SSU72: variants seen among roughly 807,000 people sequenced by gnomAD.
SSU72 encodes RNA polymerase II subunit A C-terminal domain phosphatase SSU72.
Under a neutral mutation model 22.7 loss-of-function variants are expected in SSU72, and 12 were observed. The ratio of observed to expected loss-of-function variants is 0.53; its 90% CI spans 0.34 to 0.86. The LOEUF is 0.86. SSU72 is among the 40% of genes least tolerant of loss of function. The probability of loss-of-function intolerance (pLI) is 0.02; values close to 1 mark genes in which losing one functional copy is unlikely to be tolerated. For synonymous variants in SSU72, 116 were observed against 98.3 expected, an observed-to-expected ratio of 1.18 and a Z score of -1.06; for missense variants, 151 against 249.8, an observed-to-expected ratio of 0.60 and a Z score of 2.67.
At chr1:1,566,825 G>T (rs1253907832) in intron 1 of SSU72, among the ~76,000 whole-genome samples, 1 of 150,806 alleles carries the variant, frequency 6.6e-6, no homozygotes, top group Non-Finnish European at 1.5e-5. Flanking sequence ...CTGCACTCCA[G>T]CCTGGGCGAC....
chr1:1,557,781 G>C (rs1642538771), intron 2 of SSU72, among the ~76,000 whole-genome samples: 2 of 152,132 alleles, frequency 1.3e-5, no homozygotes, highest in Admixed American at 1.3e-4. Flanking sequence ...AGGGGTGACA[G>C]ACTGAGACTC....
intron 2 of SSU72, among the ~76,000 whole-genome samples, chr1:1,549,552 G>A (rs1417013058): frequency 1.3e-5 from 2 of 151,178 alleles, no homozygotes; most frequent in Non-Finnish European, 3.0e-5. Context: ...AAAAAAAAAG[G>A]CTGCAGCCAG....
chr1:1,548,227 C>T (rs919533903), intron 2 of SSU72, among the ~76,000 whole-genome samples: 1 of 152,200 alleles, frequency 6.6e-6, no homozygotes, highest in Non-Finnish European at 1.5e-5. Flanking sequence ...GAAACAGAGG[C>T]ACACAGGAGC....
intron 2 of SSU72, among the ~76,000 whole-genome samples, chr1:1,556,328 G>A (rs540782511): frequency 2.6e-5 from 4 of 152,290 alleles, no homozygotes; most frequent in East Asian, 3.9e-4. Flanking sequence ...AGCTACTTGG[G>A]AAGCTGAGGC....
chr1:1,566,332 A>G (rs1008577225), intron 1 of SSU72, among the ~76,000 whole-genome samples: 8 of 152,234 alleles, frequency 5.3e-5, no homozygotes, highest in Admixed American at 2.0e-4. Context: ...ACTGATACTT[A>G]TAATTACCTA....
At chr1:1,546,665 C>T (rs960515551) in intron 2 of SSU72, among the ~76,000 whole-genome samples, 7 of 151,786 alleles carry the variant, frequency 4.6e-5, no homozygotes, top group African/African-American at 2.4e-5. Flanking sequence ...GGTGAAACCC[C>T]GTCTCTACTA....
rs1176125396 is a variant in SSU72, at chr1:1,542,262, A to G, written c.484-95T>C. Reference sequence around the variant, plus strand: ...GCCAGGGAAACGCCAGGCCTGAGCCAGCAGAAACCAGCGCAGCAGGCAGGC... The same window carrying G: ...GCCAGGGAAACGCCAGGCCTGAGCCGGCAGAAACCAGCGCAGCAGGCAGGC... On this transcript the variant is annotated intron_variant, in intron 4 of 4. Transcript: ENST00000291386. The surrounding 1 kb of genome is among the most constrained non-coding windows in gnomAD (Gnocchi z 4.4). 1 of 1,187,870 alleles carries G rather than the reference A, an allele frequency of 8.4e-7. No homozygotes were observed. Among genetic ancestry groups the G allele is most frequent in the African/African-American group, 1.5e-5 (1 of 66,100 alleles). The allele number at this position is 1,187,870 out of a possible 1,614,324, so 73.6% of individuals were successfully genotyped here.
intron 1 of SSU72, among the ~76,000 whole-genome samples, chr1:1,572,465 G>A (rs1468189707): frequency 6.7e-6 from 1 of 149,656 alleles, no homozygotes; most frequent in African/African-American, 2.4e-5. Flanking sequence ...TTTTATTTAT[G>A]TATTTATTTG....
intron 2 of SSU72, among the ~76,000 whole-genome samples, chr1:1,557,474 T>C (rs1242577084): frequency 6.9e-6 from 1 of 145,690 alleles, no homozygotes; most frequent in Non-Finnish European, 1.5e-5. Context: ...TTTTGGGAAC[T>C]ATACTATTCA....
intron 1 of SSU72, among the ~76,000 whole-genome samples, chr1:1,565,229 C>A (rs914134226): frequency 6.6e-6 from 1 of 152,074 alleles, no homozygotes; most frequent in African/African-American, 2.4e-5. Context: ...AAAAATTAGC[C>A]GGGCGCGGTG....
intron 2 of SSU72, among the ~76,000 whole-genome samples, chr1:1,557,165 G>C (rs1232822756): frequency 6.6e-6 from 1 of 150,582 alleles, no homozygotes; most frequent in Non-Finnish European, 1.5e-5. Context: ...GTAATCCCAG[G>C]ACTTTGGGTG....
At chr1:1,546,481 GAATC>G (rs1642390196) in intron 2 of SSU72, 1 of 152,236 alleles carries the variant, frequency 6.6e-6, no homozygotes. Flanking sequence ...CAGCCGCTGA[GAATC>G]AAAGTCTGCG....
intron 1 of SSU72, among the ~76,000 whole-genome samples, chr1:1,570,568 A>ACC (rs70949597): frequency 6.6e-6 from 1 of 150,790 alleles, no homozygotes; most frequent in Non-Finnish European, 1.5e-5. Flanking sequence ...CTCTGCAGGG[A>ACC]CCCCCCCCAC....
At chr1:1,557,307 G>A (rs1176188071) in intron 2 of SSU72, among the ~76,000 whole-genome samples, 1 of 152,138 alleles carries the variant, frequency 6.6e-6, no homozygotes, top group Non-Finnish European at 1.5e-5. Flanking sequence ...CAGCTACTCA[G>A]GAGGCTGAGG....
At chr1:1,553,753 T>G (rs1009901896) in intron 2 of SSU72, among the ~76,000 whole-genome samples, 1 of 145,756 alleles carries the variant, frequency 6.9e-6, no homozygotes, top group Admixed American at 6.9e-5. Flanking sequence ...ACCACGCCAC[T>G]GCACCTCCAG....
rs577454983 is a variant in SSU72 at position 1,544,795 on chromosome 1, C to T, written c.364+68G>A. On this transcript the variant is annotated intron_variant, in intron 3 of 4. Coordinates refer to ENST00000291386, the MANE Select transcript of SSU72 (RefSeq NM_014188.3). Reference sequence around the variant, plus strand: ...ACGGGCTGTACTGGTCATGGTGGGGCCCTGCAGGCATCCCCAGACCCTGTG... The same window carrying T: ...ACGGGCTGTACTGGTCATGGTGGGGTCCTGCAGGCATCCCCAGACCCTGTG... 9.3e-6 allele frequency: 15 copies of T among 1,609,020 alleles called. No homozygotes were observed. The East Asian group carries it at 2.7e-4, about 29-fold the overall frequency.
chr1:1,567,358 C>T (rs1466070895), intron 1 of SSU72, among the ~76,000 whole-genome samples: 1 of 152,228 alleles, frequency 6.6e-6, no homozygotes, highest in East Asian at 1.9e-4. Context: ...GCTCTCCAAA[C>T]ATCTACCACA....
At chr1:1,570,073 G>A (rs1398234852) in intron 1 of SSU72, among the ~76,000 whole-genome samples, 2 of 152,008 alleles carry the variant, frequency 1.3e-5, no homozygotes, top group Non-Finnish European at 2.9e-5. Flanking sequence ...GAGTTTCTGA[G>A]TATTAAAACT....
chr1:1,574,684 T>C lies in SSU72; in HGVS notation c.-127A>G, dbSNP rs1642789811. On this transcript the variant is annotated 5_prime_UTR_variant, in exon 1 of 5. Coordinates refer to ENST00000291386, the MANE Select transcript of SSU72 (RefSeq NM_014188.3). The stretch of plus-strand genomic sequence containing the variant: ...ACGCGAAACGACGGCGCCGGCGGTG[T>C]AGCGTGCGGCGACTGCGCGGCGGCC... 2 of 951,124 alleles carry C rather than the reference T, an allele frequency of 2.1e-6. No homozygotes were observed. The allele number at this position is 951,124 out of a possible 1,614,324, so 58.9% of individuals were successfully genotyped here.
Sources: gnomAD v4.1 joint callset for allele counts (sites outside exome capture counted in the v4.1 genomes callset) on GRCh38, gnomAD v4.1.1 for gene constraint, Gnocchi (gnomAD v3.1) non-coding constraint, MANE v1.5 for transcripts, NCBI Gene and HGNC (gene_info 2026-07-23, HGNC 2026-07-21) for gene names.